The following GLTP variants were observed in gnomAD, a reference collection of about 807,000 sequenced individuals.
GLTP encodes glycolipid transfer protein.
GLTP carries 22 observed loss-of-function variants against 24.0 expected under a neutral mutation model. That is an observed-to-expected ratio of 0.92 (90% confidence interval 0.65 to 1.31). The LOEUF (loss-of-function observed/expected upper bound fraction) is 1.31, where lower values mean the gene tolerates loss of function less well. Ranked by LOEUF, GLTP falls within the 50% of genes most tolerant of loss-of-function variation. The pLI is 0.00. For missense variants in GLTP, 224 were observed against 276.6 expected (o/e 0.81, Z 1.35); for synonymous variants, 92 against 115.9 (o/e 0.79, Z 1.33).
chr12:109,866,281 C>G (rs1174907923), intron 1 of GLTP: 1 of 152,118 alleles, frequency 6.6e-6, no homozygotes, highest in African/African-American at 2.4e-5. Flanking sequence ...AATCCCTCTA[C>G]TGATTAGCAT....
At chr12:109,879,501 G>A (rs903759658) in intron 1 of GLTP, among the ~76,000 whole-genome samples, 7 of 152,160 alleles carry the variant, frequency 4.6e-5, no homozygotes, top group African/African-American at 1.2e-4. Context: ...ATACAGGGGA[G>A]GGGCTTCCTC....
intron 1 of GLTP, among the ~76,000 whole-genome samples, chr12:109,866,926 ATTTTT>A (rs34869730): frequency 2.5e-5 from 3 of 118,298 alleles, no homozygotes; most frequent in East Asian, 2.3e-4. Context: ...TGCTGGGCTA[ATTTTT>A]TTTTTTTTTT....
chr12:109,859,610 T>A (rs1412843078), intron 1 of GLTP, among the ~76,000 whole-genome samples: 8 of 150,018 alleles, frequency 5.3e-5, no homozygotes, highest in African/African-American at 1.9e-4. Flanking sequence ...AAAGATTTTT[T>A]TTAAAAAAAA....
intron 4 of GLTP, among the ~76,000 whole-genome samples, chr12:109,854,055 C>T (rs1006723774): frequency 1.4e-5 from 2 of 147,156 alleles, no homozygotes; most frequent in Admixed American, 6.8e-5. Context: ...AAATATTATT[C>T]TTTCATAATA....
In GLTP at chr12:109,880,208, G is replaced by C; in HGVS notation, c.103+64C>G. ...GGGCAGAGATGGTTAGGGGATGCTC[G>C]GGGGAAGGAGGATTCGGGTGCGCGT... On this transcript the variant is annotated intron_variant, in intron 1 of 4. Transcript: ENST00000318348. The surrounding 1 kb of genome is among the most constrained non-coding windows in gnomAD (Gnocchi z 5.1). 2 of 958,728 alleles carry C rather than the reference G, an allele frequency of 2.1e-6. No individual in the cohort carries two copies. Among genetic ancestry groups the C allele is most frequent in the Non-Finnish European group, 3.2e-6 (2 of 616,202 alleles). The allele number at this position is 958,728 out of a possible 1,614,324, so 59.4% of individuals were successfully genotyped here.
rs1360210906 is a variant in GLTP at position 109,855,879 on chromosome 12, CCA to C, written c.297-112_297-111del. On this transcript the variant is annotated intron_variant, in intron 3 of 4. Coordinates refer to ENST00000318348, the MANE Select transcript of GLTP (RefSeq NM_016433.4). The surrounding 1 kb of genome is among the most constrained non-coding windows in gnomAD (Gnocchi z 4.1). Reference sequence around the variant, plus strand: ...ACTGTGAGCCAGGAACATGGGCGCCCCAGAGGGAGTGGTTATTCCCTAATCAT... The same window carrying C: ...ACTGTGAGCCAGGAACATGGGCGCCCGAGGGAGTGGTTATTCCCTAATCAT... 9.3e-5 allele frequency: 74 copies of C among 796,270 alleles called. No homozygotes were observed. In the African/African-American group the frequency reaches 1.3e-3, roughly 14 times the overall value. The allele number at this position is 796,270 out of a possible 1,614,324, so 49.3% of individuals were successfully genotyped here.
intron 1 of GLTP, among the ~76,000 whole-genome samples, chr12:109,879,593 C>T (rs1473927324): frequency 6.6e-6 from 1 of 152,178 alleles, no homozygotes; most frequent in African/African-American, 2.4e-5. Context: ...CCCCCGACAA[C>T]CCTCACCCCT....
intron 1 of GLTP, among the ~76,000 whole-genome samples, chr12:109,870,297 C>T (rs1868678342): frequency 6.6e-6 from 1 of 151,928 alleles, no homozygotes; most frequent in Non-Finnish European, 1.5e-5. Flanking sequence ...GAAACCCCAT[C>T]TCTACTAAAA....
chr12:109,873,633 C>CAAAAAA (rs774803716), intron 1 of GLTP, among the ~76,000 whole-genome samples: 4 of 53,624 alleles, frequency 7.5e-5, no homozygotes, highest in Non-Finnish European at 1.2e-4. Context: ...GACTCTGTCT[C>CAAAAAA]AAAAAAAAAA....
intron 4 of GLTP, 71 bp from the exon 5 acceptor site, chr12:109,852,808 G>T: frequency 1.0e-6 from 1 of 957,428 alleles, no homozygotes. Context: ...GCAGGCCAGG[G>T]TTCTGGGAGG....
Position 109,855,075 on chromosome 12 carries a change from C to A in GLTP, c.447+544G>T, listed in dbSNP as rs1271280650. 6.6e-6 allele frequency among the ~76,000 whole-genome samples: 1 copy of A among 152,210 alleles called. No homozygotes were observed. Among genetic ancestry groups the A allele is most frequent in the African/African-American group, 2.4e-5 (1 of 41,466 alleles). On this transcript the variant is annotated intron_variant, in intron 4 of 4. Coordinates refer to ENST00000318348, the MANE Select transcript of GLTP (RefSeq NM_016433.4). The surrounding 1 kb of genome is among the most constrained non-coding windows in gnomAD (Gnocchi z 4.1). ...GCAGCCGGAGGGCCTTCGCAAGTCT[C>A]CTGAGCAGGGCTGTCCGCCTGGTGA...
intron 1 of GLTP, among the ~76,000 whole-genome samples, chr12:109,874,300 A>G (rs993376594): frequency 1.3e-5 from 2 of 152,106 alleles, no homozygotes; most frequent in Non-Finnish European, 2.9e-5. Flanking sequence ...AAAACAAGAT[A>G]AATCTCTGAT....
Position 109,871,698 on chromosome 12 carries a change from C to T in GLTP, c.103+8574G>A, listed in dbSNP as rs1868726894. Among the ~76,000 whole-genome samples the T allele has an allele frequency of 2.0e-5, 3 of 152,204 alleles. No individual in the cohort carries two copies. The South Asian group carries it at 6.2e-4, about 32-fold the overall frequency. Reference sequence around the variant, plus strand: ...CATGAGGATTAGAAATGAGTTACTGCCTAATTCAATGGCATATCCTGGGAG... The same window carrying T: ...CATGAGGATTAGAAATGAGTTACTGTCTAATTCAATGGCATATCCTGGGAG... On this transcript the variant is annotated intron_variant, in intron 1 of 4. Transcript: ENST00000318348.
intron 1 of GLTP, among the ~76,000 whole-genome samples, chr12:109,865,891 A>G (rs1052450203): frequency 1.3e-5 from 2 of 152,220 alleles, no homozygotes; most frequent in East Asian, 1.9e-4. Flanking sequence ...GCTTTTTCCA[A>G]TGCACGCTAC....
At position 109,880,205 on chromosome 12, in the gene GLTP, C is replaced by T; in HGVS notation, c.103+67G>A. 1 of 935,896 alleles carries T rather than the reference C, an allele frequency of 1.1e-6. No homozygotes were observed. Among genetic ancestry groups the T allele is most frequent in the Non-Finnish European group, 1.7e-6 (1 of 597,954 alleles). 58.0% of individuals were successfully genotyped at this position (935,896 alleles called of 1,614,324 possible). A position where few individuals can be genotyped will look rare whatever the true frequency, so the allele number is the denominator to read the frequency against. On this transcript the variant is annotated intron_variant, in intron 1 of 4. Coordinates refer to ENST00000318348, the MANE Select transcript of GLTP (RefSeq NM_016433.4). This position sits in a 1 kb window ranked among gnomAD's most constrained non-coding sequence, Gnocchi z 5.1. ...CTAGGGCAGAGATGGTTAGGGGATG[C>T]TCGGGGGAAGGAGGATTCGGGTGCG...
intron 1 of GLTP, among the ~76,000 whole-genome samples, chr12:109,864,842 CTTATT>C (rs1270888799): frequency 5.3e-5 from 8 of 152,156 alleles, no homozygotes; most frequent in East Asian, 1.9e-4. Flanking sequence ...TATTTATTTA[CTTATT>C]TTATTTTATT....
intron 1 of GLTP, among the ~76,000 whole-genome samples, chr12:109,861,846 C>T (rs1868376496): frequency 6.6e-6 from 1 of 152,222 alleles, no homozygotes; most frequent in South Asian, 2.1e-4. Context: ...CATATCATTA[C>T]TAGGGTCATG....
rs567879798 is a variant in GLTP at position 109,857,388 on chromosome 12, C to T, written c.296+138G>A. 21 of 974,630 alleles carry T rather than the reference C, an allele frequency of 2.2e-5. No individual in the cohort carries two copies. The highest frequency in any genetic ancestry group is 2.9e-5 in the Non-Finnish European group (19 of 654,108). The allele number at this position is 974,630 out of a possible 1,614,324, so 60.4% of individuals were successfully genotyped here. ...AGCCCTGGCCATTGGGAGGCCTTTT[C>T]CCAGCCATTAACTAGCATCACACTG... On this transcript the variant is annotated intron_variant, in intron 3 of 4. Transcript: ENST00000318348. This position sits in a 1 kb window ranked among gnomAD's most constrained non-coding sequence, Gnocchi z 4.3.
Position 109,880,247 on chromosome 12 carries a change from GCCTCCCC to G in GLTP, c.103+18_103+24del. 2 of 1,420,208 alleles carry G rather than the reference GCCTCCCC, an allele frequency of 1.4e-6. No homozygotes were observed. The highest frequency in any genetic ancestry group is 1.4e-5 in the African/African-American group (1 of 71,046). 88.0% of individuals were successfully genotyped at this position (1,420,208 alleles called of 1,614,324 possible). A position where few individuals can be genotyped will look rare whatever the true frequency, so the allele number is the denominator to read the frequency against. On this transcript the variant is annotated intron_variant, in intron 1 of 4. Transcript: ENST00000318348. This position sits in a 1 kb window ranked among gnomAD's most constrained non-coding sequence, Gnocchi z 5.1. ...TCGGGTGCGCGTGGGGCTGCGGGCC[GCCTCCCC>G]CCTCCATTCCGGCTCACCGAAGAAG...
Sources: gnomAD v4.1 joint callset for allele counts (sites outside exome capture counted in the v4.1 genomes callset) on GRCh38, gnomAD v4.1.1 for gene constraint, Gnocchi (gnomAD v3.1) non-coding constraint, MANE v1.5 for transcripts, NCBI Gene and HGNC (gene_info 2026-07-23, HGNC 2026-07-21) for gene names.